Variants in TMEM116 observed in about 807,000 individuals in gnomAD.
TMEM116 encodes transmembrane protein 116.
In TMEM116, 38 loss-of-function variants were observed where a neutral mutation model predicts 44.3. The observed-to-expected ratio is 0.86, with a 90% CI of 0.66 to 1.12. The LOEUF (loss-of-function observed/expected upper bound fraction) is 1.12, where lower values mean the gene tolerates loss of function less well. Ranked by LOEUF, TMEM116 falls within the 50% of genes most tolerant of loss-of-function variation. The probability of loss-of-function intolerance (pLI) is 0.00; values close to 1 mark genes in which losing one functional copy is unlikely to be tolerated. For missense variants in TMEM116, 354 were observed against 401.7 expected (o/e 0.88, Z 1.01); for synonymous variants, 132 against 144.8 (o/e 0.91, Z 0.64).
intron 8 of TMEM116, 164 bp from the exon 9 acceptor site, chr12:111,934,194 A>T: frequency 1.2e-6 from 1 of 810,156 alleles, no homozygotes; most frequent in South Asian, 2.0e-5. Flanking sequence ...TTTAAGAGAA[A>T]ATTACCTTCA....
chr12:111,967,989 C>A (rs150566411), intron 4 of TMEM116, among the ~76,000 whole-genome samples: 9 of 152,188 alleles, frequency 5.9e-5, no homozygotes, highest in African/African-American at 1.7e-4. Flanking sequence ...CTTGTGAACT[C>A]CCTGCATTGA....
At chr12:111,960,575 C>G (rs2074510102) in intron 4 of TMEM116, among the ~76,000 whole-genome samples, 6 of 148,488 alleles carry the variant, frequency 4.0e-5, no homozygotes, top group Admixed American at 3.4e-4. Flanking sequence ...TCCTGAATGA[C>G]TACTGGGTAA....
chr12:112,003,645 C>T, intron 3 of TMEM116, 155 bp downstream of exon 3: 2 of 988,822 alleles, frequency 2.0e-6, no homozygotes, highest in Non-Finnish European at 2.8e-6. Context: ...AAAGGGAGCC[C>T]TACTGACCAT....
chr12:111,963,625 A>G (rs2074767479), intron 4 of TMEM116, among the ~76,000 whole-genome samples: 4 of 152,116 alleles, frequency 2.6e-5, no homozygotes, highest in Admixed American at 2.6e-4. Flanking sequence ...ATGAGAACAC[A>G]TGGACACAGG....
At chr12:111,999,627 C>CAT (rs894572838) in intron 3 of TMEM116, among the ~76,000 whole-genome samples, 1 of 151,564 alleles carries the variant, frequency 6.6e-6, no homozygotes, top group Non-Finnish European at 1.5e-5. Context: ...ATTATATATA[C>CAT]ATATATATAC....
intron 4 of TMEM116, among the ~76,000 whole-genome samples, chr12:111,980,783 A>G (rs1189676759): frequency 6.6e-6 from 1 of 152,190 alleles, no homozygotes; most frequent in East Asian, 1.9e-4. Context: ...TAGAGATAAA[A>G]AATATATCAG....
chr12:112,002,544 G>A (rs1428652498), intron 3 of TMEM116, among the ~76,000 whole-genome samples: 3 of 145,106 alleles, frequency 2.1e-5, no homozygotes, highest in African/African-American at 2.6e-5. Context: ...CAGCCTCGGC[G>A]ACACAGTGAG....
chr12:111,986,344 G>T (rs916194674), intron 4 of TMEM116, among the ~76,000 whole-genome samples: 1 of 152,178 alleles, frequency 6.6e-6, no homozygotes, highest in Admixed American at 6.5e-5. Context: ...GGGCGACAGA[G>T]CAAGACCCTG....
At chr12:111,975,061 A>C (rs2075588770) in intron 4 of TMEM116, among the ~76,000 whole-genome samples, 1 of 152,242 alleles carries the variant, frequency 6.6e-6, no homozygotes, top group South Asian at 2.1e-4. Context: ...AATATTGTAA[A>C]GATGTCACAT....
chr12:111,936,875 A>G (rs756827970), intron 7 of TMEM116, 45 bp from the exon 8 acceptor site: 2 of 1,532,126 alleles, frequency 1.3e-6, no homozygotes. Flanking sequence ...CAGATGTAAG[A>G]AAAGAGCTGC....
At chr12:111,960,540 A>C (rs2074506941) in intron 4 of TMEM116, among the ~76,000 whole-genome samples, 1 of 151,158 alleles carries the variant, frequency 6.6e-6, no homozygotes, top group African/African-American at 2.4e-5. Flanking sequence ...AAACCACACA[A>C]CTACATGGAA....
intron 4 of TMEM116, among the ~76,000 whole-genome samples, chr12:111,981,160 C>T (rs2136529965): frequency 6.6e-6 from 1 of 151,898 alleles, no homozygotes; most frequent in Admixed American, 6.6e-5. Flanking sequence ...AATAGAGTAA[C>T]ATCACAGAAA....
At position 111,948,792 on chromosome 12, in the gene TMEM116, A is replaced by T. The variant is rs1252117001; in HGVS notation, c.211-5423T>A. Among the ~76,000 whole-genome samples, 3 of 152,210 alleles carry T rather than the reference A, an allele frequency of 2.0e-5. No individual in the cohort carries two copies. In the East Asian group the frequency reaches 5.8e-4, roughly 29 times the overall value. Reference sequence around the variant, plus strand: ...CAAAGTTCCAATAAATTCTTTTTAAAAAATGGCTGGGCATGGTAGCTCACA... The same window carrying T: ...CAAAGTTCCAATAAATTCTTTTTAATAAATGGCTGGGCATGGTAGCTCACA... On this transcript the variant is annotated intron_variant, in intron 4 of 10. Transcript: ENST00000552374.
chr12:111,961,415 G>A (rs531937573), intron 4 of TMEM116, among the ~76,000 whole-genome samples: 42 of 152,216 alleles, frequency 2.8e-4, no homozygotes, highest in Non-Finnish European at 5.1e-4. Flanking sequence ...ACATCGATGC[G>A]AAAATCCTCA....
At chr12:111,937,106 A>T (rs1450476798) in intron 7 of TMEM116, 54 bp downstream of exon 7, 8 of 1,471,204 alleles carry the variant, frequency 5.4e-6, no homozygotes, top group Non-Finnish European at 7.6e-6. Context: ...CTCTATTTAT[A>T]GAAACAAATA....
chr12:111,999,836 G>A (rs1290375518), intron 3 of TMEM116, among the ~76,000 whole-genome samples: 1 of 152,120 alleles, frequency 6.6e-6, no homozygotes, highest in Non-Finnish European at 1.5e-5. Flanking sequence ...AACCCACAGT[G>A]TGCCACTTCA....
intron 5 of TMEM116, among the ~76,000 whole-genome samples, chr12:111,940,830 G>A (rs903154733): frequency 1.3e-5 from 2 of 151,858 alleles, no homozygotes; most frequent in Non-Finnish European, 2.9e-5. Flanking sequence ...CTTCTTTAGG[G>A]AATGACTTGT....
chr12:111,935,662 T>TGTGTGTGTG (rs2072093232), intron 8 of TMEM116: 1 of 93,718 alleles, frequency 1.1e-5, no homozygotes, highest in African/African-American at 5.4e-5. Flanking sequence ...GTGTGTGTGT[T>TGTGTGTGTG]TTGAGACAGA....
intron 4 of TMEM116, among the ~76,000 whole-genome samples, chr12:111,984,318 A>T (rs2076102644): frequency 6.6e-6 from 1 of 152,212 alleles, no homozygotes; most frequent in South Asian, 2.1e-4. Context: ...AGCCAGGCAC[A>T]GAAAGGCAAC....
Sources: allele counts gnomAD v4.1 joint callset (sites outside exome capture counted in the v4.1 genomes callset), GRCh38; gene constraint gnomAD v4.1.1; transcripts MANE v1.5; gene names NCBI Gene and HGNC (gene_info 2026-07-23, HGNC 2026-07-21).